Variants in TENM2 observed in about 807,000 individuals in gnomAD.
TENM2 encodes teneurin-2.
TENM2 carries 52 observed loss-of-function variants against 245.2 expected under a neutral mutation model. The observed-to-expected ratio is 0.21, with a 90% confidence interval of 0.17 to 0.27. TENM2 has a LOEUF of 0.27. Among genes scored for constraint, TENM2 ranks in the 10% least tolerant of loss-of-function variants. TENM2 has a pLI of 1.00. For missense variants in TENM2, 3,046 were observed against 3,666.8 expected, an observed-to-expected ratio of 0.83 and a Z score of 4.37; for synonymous variants, 1,363 against 1,438.9, an observed-to-expected ratio of 0.95 and a Z score of 1.19.
At chr5:167,037,334 C>A in the TENM2 span, among the ~76,000 whole-genome samples, 1 of 152,248 alleles carries the variant, frequency 6.6e-6, no homozygotes, top group African/African-American at 2.4e-5. Flanking sequence ...CTTCTGGAGG[C>A]ACTTAGGTAA....
the TENM2 span, among the ~76,000 whole-genome samples, chr5:167,114,513 C>A: frequency 6.6e-6 from 1 of 152,086 alleles, no homozygotes; most frequent in Non-Finnish European, 1.5e-5. Flanking sequence ...ATTAACTATG[C>A]GAATTTATCT....
chr5:167,902,000 A>G (rs545678104), intron 3 of TENM2, among the ~76,000 whole-genome samples: 1 of 152,334 alleles, frequency 6.6e-6, no homozygotes, highest in Non-Finnish European at 1.5e-5. Flanking sequence ...CTGTTTTCCC[A>G]TATCCTAAGT....
intron 1 of TENM2, among the ~76,000 whole-genome samples, chr5:167,322,730 G>A (rs1158121561): frequency 2.0e-5 from 3 of 152,086 alleles, no homozygotes; most frequent in Non-Finnish European, 4.4e-5. Flanking sequence ...CTTAACCAGT[G>A]GGTCATTCAA....
chr5:167,278,895 AAG>A, the TENM2 span, among the ~76,000 whole-genome samples: 37 of 152,304 alleles, frequency 2.4e-4, 1 homozygote, highest in African/African-American at 8.2e-4. Flanking sequence ...TTGGTATTCC[AAG>A]ATTCCTCCTT....
At chr5:168,094,774 A>G (rs568348047) in intron 8 of TENM2, among the ~76,000 whole-genome samples, 1 of 152,166 alleles carries the variant, frequency 6.6e-6, no homozygotes, top group Admixed American at 6.5e-5. Context: ...GTGGCCCATT[A>G]GGAACTGGGC....
At chr5:167,626,129 C>T (rs937866232) in intron 2 of TENM2, among the ~76,000 whole-genome samples, 2 of 152,026 alleles carry the variant, frequency 1.3e-5, no homozygotes, top group African/African-American at 4.8e-5. Flanking sequence ...GGAGGAAGTG[C>T]CAAAGAATTT....
At chr5:167,941,684 CAAAAAA>C (rs981805963) in intron 3 of TENM2, among the ~76,000 whole-genome samples, 5 of 110,026 alleles carry the variant, frequency 4.5e-5, no homozygotes, top group South Asian at 3.1e-4. Context: ...CCATCTCTAC[CAAAAAA>C]AAAAAAAAAA....
the TENM2 span, among the ~76,000 whole-genome samples, chr5:167,213,944 T>A: frequency 1.3e-5 from 2 of 152,216 alleles, no homozygotes; most frequent in Non-Finnish European, 2.9e-5. Context: ...AGTTGGCCAC[T>A]ATGGGCCATT....
At chr5:167,142,668 A>T in the TENM2 span, among the ~76,000 whole-genome samples, 1 of 152,044 alleles carries the variant, frequency 6.6e-6, no homozygotes, top group Non-Finnish European at 1.5e-5. Flanking sequence ...CTCCTGCCTC[A>T]GCCTATGGAG....
rs60172043 is a variant in TENM2 at position 167,870,554 on chromosome 5, C to CATATATATAT, written c.503-5425_503-5416dup. ...ACTGAATGTTAAAAGAATGTGTATA[C>CATATATATAT]ATATATATATATATATGTGTGTGTA... is the stretch of plus-strand genomic sequence containing the variant. On this transcript the variant is annotated intron_variant, in intron 2 of 28. Coordinates refer to ENST00000518659, the Ensembl canonical transcript of TENM2. Among the ~76,000 whole-genome samples, 1,140 of 128,338 alleles carry CATATATATAT rather than the reference C, an allele frequency of 8.9e-3. 17 individuals are homozygous for CATATATATAT. The highest frequency in any genetic ancestry group is 0.031 in the African/African-American group (1,066 of 34,226). The allele number at this position is 128,338 out of a possible 152,430, so 84.2% of individuals were successfully genotyped here.
At chr5:167,153,232 C>T in the TENM2 span, among the ~76,000 whole-genome samples, 1 of 151,784 alleles carries the variant, frequency 6.6e-6, no homozygotes, top group Admixed American at 6.6e-5. Context: ...CTACTCATTG[C>T]CTGTTGTGAA....
the TENM2 span, among the ~76,000 whole-genome samples, chr5:167,108,915 C>A: frequency 6.6e-6 from 1 of 152,268 alleles, no homozygotes; most frequent in South Asian, 2.1e-4. Flanking sequence ...CACATGCTTT[C>A]TCTTTAATCT....
At chr5:167,198,215 T>C in the TENM2 span, among the ~76,000 whole-genome samples, 1 of 151,950 alleles carries the variant, frequency 6.6e-6, no homozygotes, top group African/African-American at 2.4e-5. Flanking sequence ...AATTGCAAAA[T>C]AGGTTGTAGA....
At chr5:168,072,341 A>T (rs1791084205) in intron 7 of TENM2, among the ~76,000 whole-genome samples, 1 of 152,152 alleles carries the variant, frequency 6.6e-6, no homozygotes, top group Admixed American at 6.6e-5. Context: ...GGTCAACATT[A>T]TGGCTCGCTT....
chr5:167,010,074 A>G, the TENM2 span, among the ~76,000 whole-genome samples: 2 of 152,202 alleles, frequency 1.3e-5, no homozygotes, highest in South Asian at 2.1e-4. Context: ...AGGTGTCAGA[A>G]CAGCAGCAAA....
intron 25 of TENM2, among the ~76,000 whole-genome samples, chr5:168,240,004 G>A (rs1218263319): frequency 6.6e-6 from 1 of 152,146 alleles, no homozygotes; most frequent in Non-Finnish European, 1.5e-5. Context: ...GATCACTTGA[G>A]GTCAGGAGTT....
chr5:167,380,479 A>G (rs1054824448), intron 2 of TENM2, among the ~76,000 whole-genome samples: 2 of 152,154 alleles, frequency 1.3e-5, no homozygotes, highest in African/African-American at 4.8e-5. Context: ...CCTGTGCCTT[A>G]TTTCAGTACT....
chr5:167,362,518 C>T (rs1388069234), intron 1 of TENM2, among the ~76,000 whole-genome samples: 1 of 152,134 alleles, frequency 6.6e-6, no homozygotes, highest in East Asian at 1.9e-4. Context: ...AGTTAATTAA[C>T]TCTTGAGATC....
intron 2 of TENM2, among the ~76,000 whole-genome samples, chr5:167,483,259 G>A (rs1440582697): frequency 2.0e-5 from 3 of 152,180 alleles, no homozygotes; most frequent in Non-Finnish European, 2.9e-5. Context: ...TCAGTGATTA[G>A]ACAAAGGATG....
Sources: gnomAD v4.1 joint callset for allele counts (sites outside exome capture counted in the v4.1 genomes callset) on GRCh38, gnomAD v4.1.1 for gene constraint, MANE v1.5 for transcripts, NCBI Gene and HGNC (gene_info 2026-07-23, HGNC 2026-07-21) for gene names.